Variants in CMC1 observed in about 807,000 individuals in gnomAD.
CMC1 encodes C-X9-C motif containing 1.
In CMC1, 14 loss-of-function variants were observed where a neutral mutation model predicts 14.1. The observed-to-expected ratio is 0.99, with a 90% CI of 0.66 to 1.55. CMC1 has a LOEUF of 1.55. Among genes scored for constraint, CMC1 ranks in the 40% most tolerant of loss-of-function variants. The probability of loss-of-function intolerance (pLI) is 0.00; values close to 1 mark genes in which losing one functional copy is unlikely to be tolerated. For synonymous variants in CMC1, 50 were observed against 38.4 expected, an observed-to-expected ratio of 1.30 and a Z score of -1.12; for missense variants, 127 against 123.8, an observed-to-expected ratio of 1.03 and a Z score of -0.12.
At chr3:28,276,162 C>T (rs1700582002) in intron 2 of CMC1, among the ~76,000 whole-genome samples, 1 of 152,104 alleles carries the variant, frequency 6.6e-6, no homozygotes, top group Non-Finnish European at 1.5e-5. Flanking sequence ...ATTCCCAGTG[C>T]AGGATTCACT....
chr3:28,280,265 T>C (rs2097451179), intron 2 of CMC1, among the ~76,000 whole-genome samples: 1 of 152,184 alleles, frequency 6.6e-6, no homozygotes, highest in South Asian at 2.1e-4. Flanking sequence ...CAAGTATTGA[T>C]TGAAAAAGGA....
chr3:28,288,369 T>C (rs1288879308), intron 2 of CMC1, among the ~76,000 whole-genome samples: 1 of 152,064 alleles, frequency 6.6e-6, no homozygotes, highest in Non-Finnish European at 1.5e-5. Flanking sequence ...TGTAAATACA[T>C]CTACTTTATC....
chr3:28,273,549 T>C (rs1483462520), intron 2 of CMC1, among the ~76,000 whole-genome samples: 1 of 152,166 alleles, frequency 6.6e-6, no homozygotes, highest in African/African-American at 2.4e-5. Flanking sequence ...AGTAAGTGCA[T>C]TTGGTGATGA....
At chr3:28,316,493 A>G (rs1419151472) in intron 3 of CMC1, 70 bp downstream of exon 3, 1 of 776,416 alleles carries the variant, frequency 1.3e-6, no homozygotes, top group East Asian at 2.7e-5. Context: ...TACTTAACTC[A>G]TTACATGTAA....
At position 28,271,918 on chromosome 3, in the gene CMC1, C is replaced by T. The variant is rs544965800; in HGVS notation, c.109+8538C>T. Among the ~76,000 whole-genome samples the T allele has an allele frequency of 2.0e-5, 3 of 152,242 alleles. No individual in the cohort carries two copies. The South Asian group carries it at 6.2e-4, about 32-fold the overall frequency. On this transcript the variant is annotated intron_variant, in intron 2 of 3. Transcript: ENST00000466830. ...TTTCCTTGAGCAGTGGCTTGTAGTT[C>T]TCCTTGAAGAGGTCCTTCACTTTCC...
chr3:28,293,660 C>T (rs1314829340), intron 2 of CMC1, among the ~76,000 whole-genome samples: 2 of 152,142 alleles, frequency 1.3e-5, no homozygotes, highest in African/African-American at 2.4e-5. Context: ...CGGCTCACTG[C>T]AGCCTCTGCC....
At chr3:28,264,255 C>T (rs1187438862) in intron 2 of CMC1, among the ~76,000 whole-genome samples, 1 of 152,152 alleles carries the variant, frequency 6.6e-6, no homozygotes, top group African/African-American at 2.4e-5. Flanking sequence ...ATGGGCTGCA[C>T]TTCCACTGCA....
At chr3:28,285,673 T>A (rs1701134857) in intron 2 of CMC1, among the ~76,000 whole-genome samples, 1 of 149,770 alleles carries the variant, frequency 6.7e-6, no homozygotes, top group Non-Finnish European at 1.5e-5. Flanking sequence ...CCTACATCTA[T>A]ACAAATAAAA....
Position 28,316,374 on chromosome 3 carries a change from G to T in CMC1, c.151G>T (p.Val51Leu). ...CAAGAACTCTGGAGTTCTTATGGTA[G>T]TAAAATGCCGGAAAGAAAATTCTGC... ...CCKNSGVLMVVKCRKENSALK... is the reference protein window; with the variant it reads ...CCKNSGVLMVLKCRKENSALK... Residue 51 changes from valine (V) to leucine (L), a missense_variant, in exon 3 of 4, where the codon GTA becomes TTA. Coordinates refer to ENST00000466830, the MANE Select transcript of CMC1 (RefSeq NM_182523.2). 1 of 1,596,560 alleles carries T rather than the reference G, an allele frequency of 6.3e-7. No individual in the cohort carries two copies. Among genetic ancestry groups the T allele is most frequent in the East Asian group, 2.3e-5 (1 of 44,382 alleles).
chr3:28,300,312 G>A (rs1467045958), intron 2 of CMC1, among the ~76,000 whole-genome samples: 1 of 152,084 alleles, frequency 6.6e-6, no homozygotes, highest in East Asian at 1.9e-4. Context: ...TATATTTTGT[G>A]AAAAGGAATA....
intron 2 of CMC1, chr3:28,294,595 A>C: frequency 3.2e-6 from 1 of 308,478 alleles, no homozygotes; most frequent in Non-Finnish European, 4.7e-6. Context: ...GTCATGAGTT[A>C]AAAAGCTAAT....
At chr3:28,254,570 G>A (rs940677807) in intron 1 of CMC1, among the ~76,000 whole-genome samples, 27 of 152,180 alleles carry the variant, frequency 1.8e-4, no homozygotes, top group Admixed American at 5.9e-4. Flanking sequence ...CTTAGAATTC[G>A]TAATGTAGGT....
intron 2 of CMC1, among the ~76,000 whole-genome samples, chr3:28,276,606 A>G (rs1416831003): frequency 6.6e-6 from 1 of 152,214 alleles, no homozygotes; most frequent in African/African-American, 2.4e-5. Context: ...GTGCTTGTAT[A>G]TACAATCTGA....
intron 2 of CMC1, among the ~76,000 whole-genome samples, chr3:28,311,623 C>T (rs993662724): frequency 2.0e-5 from 3 of 152,176 alleles, no homozygotes; most frequent in Non-Finnish European, 2.9e-5. Flanking sequence ...CTTTTTACTT[C>T]ACAGCTTCCA....
intron 2 of CMC1, among the ~76,000 whole-genome samples, chr3:28,293,307 C>CTT (rs368066751): frequency 7.1e-6 from 1 of 139,954 alleles, no homozygotes; most frequent in Non-Finnish European, 1.6e-5. Context: ...AATAGAGGGA[C>CTT]TTTTTTTTTT....
chr3:28,260,245 T>C (rs958062805), intron 1 of CMC1, among the ~76,000 whole-genome samples: 4 of 152,104 alleles, frequency 2.6e-5, no homozygotes. Flanking sequence ...TTTTTGCATC[T>C]GTGTTCATGA....
chr3:28,284,999 C>T (rs1701099371), intron 2 of CMC1, among the ~76,000 whole-genome samples: 1 of 152,188 alleles, frequency 6.6e-6, no homozygotes, highest in South Asian at 2.1e-4. Flanking sequence ...TCTTCCTACT[C>T]TGTGTTCCAT....
At chr3:28,243,011 G>A (rs994735990) in intron 1 of CMC1, among the ~76,000 whole-genome samples, 1 of 151,928 alleles carries the variant, frequency 6.6e-6, no homozygotes, top group Admixed American at 6.6e-5. Context: ...ATAAGTGAGG[G>A]GTGAGTAAGG....
At chr3:28,287,641 C>G (rs575170327) in intron 2 of CMC1, among the ~76,000 whole-genome samples, 8 of 151,890 alleles carry the variant, frequency 5.3e-5, no homozygotes, top group African/African-American at 1.7e-4. Context: ...AATATATGCT[C>G]TTTTATTCCC....
Sources: allele counts gnomAD v4.1 joint callset (sites outside exome capture counted in the v4.1 genomes callset), GRCh38; gene constraint gnomAD v4.1.1; transcripts MANE v1.5; gene names NCBI Gene and HGNC (gene_info 2026-07-23, HGNC 2026-07-21).